RTN1: variants seen among roughly 807,000 people sequenced by gnomAD.
The protein encoded by RTN1 is reticulon 1.
Under a neutral mutation model 65.5 loss-of-function variants are expected in RTN1, and 25 were observed. That is an observed-to-expected ratio of 0.38 (90% CI 0.28 to 0.53). The LOEUF (loss-of-function observed/expected upper bound fraction) is 0.53, where lower values mean the gene tolerates loss of function less well. Ranked by LOEUF, RTN1 falls within the 20% of genes least tolerant of loss-of-function variation. The pLI is 0.79. For synonymous variants in RTN1, 471 were observed against 447.6 expected (o/e 1.05, Z -0.66); for missense variants, 983 against 1,025.4 (o/e 0.96, Z 0.57).
rs540201574 is a variant in RTN1 at position 59,668,870 on chromosome 14, G to C, written c.1765+58049C>G. On this transcript the variant is annotated intron_variant, in intron 3 of 8. Transcript: ENST00000267484. ...CATGAAAAAATGCTCATCGTCACTG[G>C]TGATCAGAGAAATACAAATCAGAAC... Among the ~76,000 whole-genome samples, 3 of 152,280 alleles carry C rather than the reference G, an allele frequency of 2.0e-5. No individual in the cohort carries two copies. In the East Asian group the frequency reaches 5.8e-4, roughly 29 times the overall value.
rs147661813 is a variant in RTN1 at position 59,746,285 on chromosome 14, G to A, written c.438C>T (p.Pro146=). The change falls in exon 2 of 9, where the codon CCC becomes CCT. Residue 146 remains proline (P), a synonymous_variant. Transcript: ENST00000267484. Reference sequence around the variant, plus strand: ...CAGGCACATCTGGTAAGGAGGGGCCGGGTGTACCCAGCTCCTCAGGGCTCT... The same window carrying A: ...CAGGCACATCTGGTAAGGAGGGGCCAGGTGTACCCAGCTCCTCAGGGCTCT... ...ISESPEELGT[P]GPSLPDVPGI... 139 of 1,613,550 alleles carry A rather than the reference G, an allele frequency of 8.6e-5. 3 individuals are homozygous for A. The highest frequency in any genetic ancestry group is 8.5e-4 in the South Asian group (77 of 90,970).
chr14:59,692,378 G>C (rs559921758), intron 3 of RTN1, among the ~76,000 whole-genome samples: 11 of 152,170 alleles, frequency 7.2e-5, no homozygotes, highest in African/African-American at 2.4e-4. Flanking sequence ...ATCTCCACAA[G>C]GAGAACTGCA....
At position 59,613,806 on chromosome 14, in the gene RTN1, G is replaced by GAAA. The variant is rs34219803; in HGVS notation, c.1766-6317_1766-6315dup. Reference sequence around the variant, plus strand: ...AGGAGGCACCACATACCCTGTTTTGGAAAAAAAAAACCCTCTGATTTCCTT... The same window carrying GAAA: ...AGGAGGCACCACATACCCTGTTTTGGAAAAAAAAAAAAACCCTCTGATTTCCTT... On this transcript the variant is annotated intron_variant, in intron 3 of 8. Coordinates refer to ENST00000267484, the MANE Select transcript of RTN1 (RefSeq NM_021136.3). 6.0e-3 allele frequency among the ~76,000 whole-genome samples: 883 copies of GAAA among 147,442 alleles called. 8 individuals carry two copies. Among genetic ancestry groups the GAAA allele is most frequent in the African/African-American group, 0.021 (851 of 40,182 alleles).
rs1173360459 is a variant in RTN1 at position 59,749,587 on chromosome 14, TTA to T, written c.242-3108_242-3107del. Among the ~76,000 whole-genome samples, 41 of 36,428 alleles carry T rather than the reference TTA, an allele frequency of 1.1e-3. 5 individuals carry two copies. Among genetic ancestry groups the T allele is most frequent in the East Asian group, 2.3e-3 (3 of 1,278 alleles). The allele number at this position is 36,428 out of a possible 152,430, so 23.9% of individuals were successfully genotyped here. ...TATATAGATATATATATATAGATATTTATATATATATCTATCTATATATATTT... is the reference window on the plus strand; with the variant it reads ...TATATAGATATATATATATAGATATTTATATATATCTATCTATATATATTT... On this transcript the variant is annotated intron_variant, in intron 1 of 8. Coordinates refer to ENST00000267484, the MANE Select transcript of RTN1 (RefSeq NM_021136.3).
chr14:59,797,410 C>A (rs1238948769), intron 1 of RTN1, among the ~76,000 whole-genome samples: 1 of 152,196 alleles, frequency 6.6e-6, no homozygotes, highest in African/African-American at 2.4e-5. Context: ...CCAGTGGATT[C>A]TGATTCTGAA....
chr14:59,666,429 A>G (rs1198016608), intron 3 of RTN1, among the ~76,000 whole-genome samples: 2 of 152,352 alleles, frequency 1.3e-5, no homozygotes, highest in East Asian at 3.8e-4. Context: ...TCTCTGGGAC[A>G]CATTTAAAGC....
chr14:59,814,703 G>A (rs1324091470), intron 1 of RTN1, among the ~76,000 whole-genome samples: 3 of 152,182 alleles, frequency 2.0e-5, no homozygotes, highest in Non-Finnish European at 4.4e-5. Context: ...ATCTTCAAAT[G>A]ATCTCATTCA....
intron 3 of RTN1, chr14:59,630,654 G>T: frequency 6.4e-6 from 8 of 1,256,320 alleles, no homozygotes; most frequent in African/African-American, 1.6e-5. Context: ...GCGGTGAGGG[G>T]CGGGAGCGTC....
rs538116340 is a variant in RTN1 at position 59,792,879 on chromosome 14, G to A, written c.242-46398C>T. 6.6e-5 allele frequency among the ~76,000 whole-genome samples: 10 copies of A among 152,030 alleles called. No individual in the cohort carries two copies. In the South Asian group the frequency reaches 1.5e-3, roughly 22 times the overall value. On this transcript the variant is annotated intron_variant, in intron 1 of 8. Coordinates refer to ENST00000267484, the MANE Select transcript of RTN1 (RefSeq NM_021136.3). ...TTAAAAAGCAATTTTTTGTGTTTGC[G>A]GCCCTCAGAATGAACAAAAAAACTT...
intron 3 of RTN1, among the ~76,000 whole-genome samples, chr14:59,685,358 T>G (rs1883825477): frequency 6.6e-6 from 1 of 152,046 alleles, no homozygotes; most frequent in Non-Finnish European, 1.5e-5. Flanking sequence ...CATCCAAATC[T>G]GAAAGGAAGA....
intron 1 of RTN1, among the ~76,000 whole-genome samples, chr14:59,843,257 C>T (rs2139654385): frequency 6.6e-6 from 1 of 152,332 alleles, no homozygotes; most frequent in East Asian, 1.9e-4. Context: ...CAAAGACAGG[C>T]AGAGCCACTC....
intron 1 of RTN1, among the ~76,000 whole-genome samples, chr14:59,787,577 G>T (rs1460329166): frequency 6.6e-6 from 1 of 152,180 alleles, no homozygotes; most frequent in Non-Finnish European, 1.5e-5. Flanking sequence ...TTACTTGCCA[G>T]TGTGAAGTCA....
chr14:59,750,170 TC>T lies in RTN1; in HGVS notation c.242-3690del, dbSNP rs1885432409. On this transcript the variant is annotated intron_variant, in intron 1 of 8. Transcript: ENST00000267484. ...TATATTATAGATAATATATATTATA[TC>T]TATAATATATAATACATATATTATA... 6.0e-5 allele frequency among the ~76,000 whole-genome samples: 4 copies of T among 66,256 alleles called. No individual in the cohort carries two copies. In the East Asian group the frequency reaches 1.5e-3, roughly 25 times the overall value. 43.5% of individuals were successfully genotyped at this position (66,256 alleles called of 152,430 possible).
chr14:59,708,821 C>T (rs1884354342), intron 3 of RTN1, among the ~76,000 whole-genome samples: 1 of 152,148 alleles, frequency 6.6e-6, no homozygotes, highest in Non-Finnish European at 1.5e-5. Context: ...CTGAAGAATT[C>T]TATCAACTAT....
At chr14:59,729,216 T>C (rs750127794) in intron 2 of RTN1, among the ~76,000 whole-genome samples, 1 of 152,152 alleles carries the variant, frequency 6.6e-6, no homozygotes, top group Non-Finnish European at 1.5e-5. Context: ...CCAGGTATCA[T>C]AGGCAGGCCA....
At chr14:59,838,010 T>C (rs1887243528) in intron 1 of RTN1, among the ~76,000 whole-genome samples, 1 of 152,130 alleles carries the variant, frequency 6.6e-6, no homozygotes, top group Non-Finnish European at 1.5e-5. Flanking sequence ...GTATAATGCA[T>C]GATACTGAGG....
At chr14:59,712,857 G>A (rs1884452362) in intron 3 of RTN1, among the ~76,000 whole-genome samples, 1 of 148,752 alleles carries the variant, frequency 6.7e-6, no homozygotes, top group African/African-American at 2.5e-5. Context: ...GTTACAGTGA[G>A]CTGAAATCAC....
chr14:59,639,892 T>A (rs1477220870), intron 3 of RTN1, among the ~76,000 whole-genome samples: 17 of 152,220 alleles, frequency 1.1e-4, no homozygotes. Context: ...CTATGTGACA[T>A]CATTTTAATA....
intron 3 of RTN1, among the ~76,000 whole-genome samples, chr14:59,677,656 T>C (rs1883656224): frequency 6.6e-6 from 1 of 152,076 alleles, no homozygotes; most frequent in Admixed American, 6.5e-5. Flanking sequence ...AGAACAGGCG[T>C]AATTATTTTT....
Sources: allele counts gnomAD v4.1 joint callset (sites outside exome capture counted in the v4.1 genomes callset), GRCh38; gene constraint gnomAD v4.1.1; transcripts MANE v1.5; gene names NCBI Gene and HGNC (gene_info 2026-07-23, HGNC 2026-07-21).